SLC25A48: variants seen among roughly 807,000 people sequenced by gnomAD.
SLC25A48 encodes solute carrier family 25 member 48.
A neutral mutation model predicts 32.2 loss-of-function variants in SLC25A48; 29 were observed. The ratio of observed to expected loss-of-function variants is 0.90; its 90% CI spans 0.67 to 1.23. The LOEUF (loss-of-function observed/expected upper bound fraction) is 1.23. Among genes scored for constraint, SLC25A48 ranks in the 50% most tolerant of loss-of-function variants. SLC25A48 has a pLI of 0.00. For missense variants in SLC25A48, 399 were observed against 422.7 expected, an observed-to-expected ratio of 0.94 and a Z score of 0.49; for synonymous variants, 164 against 172.3, an observed-to-expected ratio of 0.95 and a Z score of 0.38.
At chr5:135,595,353 C>G (rs989052012) in intron 1 of SLC25A48, among the ~76,000 whole-genome samples, 5 of 152,116 alleles carry the variant, frequency 3.3e-5, no homozygotes, top group Non-Finnish European at 7.4e-5. Context: ...CTCATGGGCT[C>G]TAGGAGGTCA....
intron 4 of SLC25A48, chr5:135,813,212 A>C (rs1435069794): frequency 6.6e-6 from 1 of 152,312 alleles, no homozygotes; most frequent in African/African-American, 2.4e-5. Context: ...AAGGTTCATA[A>C]CTCAAATGGG....
rs542413133 is a variant in SLC25A48, at chr5:135,752,292, C to T, written c.-520-60231C>T. Among the ~76,000 whole-genome samples the T allele has an allele frequency of 1.8e-4, 27 of 152,252 alleles. 1 individual carries two copies. The highest frequency in any genetic ancestry group is 6.0e-4 in the African/African-American group (25 of 41,562). ...ACATAATTGATAAAAGACTTCCAGC[C>T]GGGTGCAGTGGCTCACCCCTGTAAT... On this transcript the variant is annotated intron_variant, in intron 3 of 10. Transcript: ENST00000646290.
chr5:135,770,224 G>T (rs1159709521), intron 3 of SLC25A48, among the ~76,000 whole-genome samples: 1 of 151,488 alleles, frequency 6.6e-6, no homozygotes, highest in African/African-American at 2.4e-5. Flanking sequence ...CTGAGATACT[G>T]TTCCTAATAT....
At chr5:135,595,405 G>A (rs1214217444) in intron 1 of SLC25A48, among the ~76,000 whole-genome samples, 1 of 152,144 alleles carries the variant, frequency 6.6e-6, no homozygotes, top group Non-Finnish European at 1.5e-5. Context: ...GGTTATTGAT[G>A]GACAGGCACC....
chr5:135,693,862 G>A (rs779686727), intron 3 of SLC25A48, among the ~76,000 whole-genome samples: 8 of 152,258 alleles, frequency 5.3e-5, no homozygotes, highest in Admixed American at 4.6e-4. Flanking sequence ...GCGAAGGCGT[G>A]TGGGGCGATG....
At chr5:135,638,834 T>C (rs1752767844) in intron 3 of SLC25A48, among the ~76,000 whole-genome samples, 1 of 152,244 alleles carries the variant, frequency 6.6e-6, no homozygotes, top group Non-Finnish European at 1.5e-5. Flanking sequence ...GTTTCAACTC[T>C]ATATAAGCAC....
At chr5:135,818,025 G>A (rs1166803965) in intron 4 of SLC25A48, among the ~76,000 whole-genome samples, 2 of 145,228 alleles carry the variant, frequency 1.4e-5, no homozygotes, top group Non-Finnish European at 3.0e-5. Flanking sequence ...CCATGCAGGG[G>A]AGAGTTTCCC....
At chr5:135,669,498 G>A (rs78669769) in intron 3 of SLC25A48, among the ~76,000 whole-genome samples, 1 of 152,096 alleles carries the variant, frequency 6.6e-6, no homozygotes, top group South Asian at 2.1e-4. Flanking sequence ...ACCTCTGTGG[G>A]CAACGGGATG....
At chr5:135,862,019 G>C (rs1026963803) in intron 4 of SLC25A48, among the ~76,000 whole-genome samples, 1 of 152,234 alleles carries the variant, frequency 6.6e-6, no homozygotes, top group East Asian at 1.9e-4. Context: ...TGACAGTAAG[G>C]CACCTGTGAA....
At chr5:135,684,089 G>A (rs1753962396) in intron 3 of SLC25A48, among the ~76,000 whole-genome samples, 1 of 152,084 alleles carries the variant, frequency 6.6e-6, no homozygotes, top group African/African-American at 2.4e-5. Context: ...CTATTTAAAT[G>A]TATTTTTAAT....
At chr5:135,865,125 T>G (rs1761087208) in intron 4 of SLC25A48, among the ~76,000 whole-genome samples, 1 of 152,238 alleles carries the variant, frequency 6.6e-6, no homozygotes, top group Non-Finnish European at 1.5e-5. Flanking sequence ...CCACTTATTC[T>G]CTGCCTTTCA....
chr5:135,887,545 C>T (rs961806321), intron 7 of SLC25A48, among the ~76,000 whole-genome samples: 1 of 152,070 alleles, frequency 6.6e-6, no homozygotes, highest in Non-Finnish European at 1.5e-5. Flanking sequence ...CCTGCAGAAC[C>T]ACCACTTGGT....
rs1561765729 is a variant in SLC25A48 at position 135,629,607 on chromosome 5, T to C, written c.-709+231T>C. Among the ~76,000 whole-genome samples, 1 of 152,122 alleles carries C rather than the reference T, an allele frequency of 6.6e-6. No individual in the cohort carries two copies. The highest frequency in any genetic ancestry group is 1.5e-5 in the Non-Finnish European group (1 of 68,010). On this transcript the variant is annotated intron_variant, in intron 2 of 10. Transcript: ENST00000646290. The surrounding 1 kb of genome is among the most constrained non-coding windows in gnomAD (Gnocchi z 4.8). ...GGAAGGGAAAGAAGCCGATAAAAGA[T>C]GTGTTAGCCAGCAGGCTGACTCTGT...
intron 3 of SLC25A48, among the ~76,000 whole-genome samples, chr5:135,637,906 A>G (rs1752742771): frequency 6.6e-6 from 1 of 152,198 alleles, no homozygotes; most frequent in East Asian, 1.9e-4. Context: ...GCATCAGAAA[A>G]GCCCAAATCT....
intron 3 of SLC25A48, among the ~76,000 whole-genome samples, chr5:135,748,721 A>AAT (rs1755699082): frequency 8.7e-6 from 1 of 114,876 alleles, no homozygotes; most frequent in Non-Finnish European, 2.0e-5. Context: ...GAGACAGGTA[A>AAT]ATTTTTTTTT....
chr5:135,699,310 A>G (rs139714790), intron 3 of SLC25A48, among the ~76,000 whole-genome samples: 11 of 152,282 alleles, frequency 7.2e-5, no homozygotes, highest in African/African-American at 2.6e-4. Context: ...TGTGATGTGT[A>G]TACATTACGA....
chr5:135,582,424 C>G (rs983200222), intron 1 of SLC25A48, among the ~76,000 whole-genome samples: 3 of 152,030 alleles, frequency 2.0e-5, no homozygotes, highest in African/African-American at 7.3e-5. Context: ...GGAGACTCAT[C>G]AGGGGATCTG....
chr5:135,723,528 C>CT (rs375388529), intron 3 of SLC25A48, among the ~76,000 whole-genome samples: 86 of 119,826 alleles, frequency 7.2e-4, no homozygotes, highest in African/African-American at 2.1e-3. Flanking sequence ...CTGCAGTCCT[C>CT]TTTTTTTTTT....
intron 3 of SLC25A48, among the ~76,000 whole-genome samples, chr5:135,692,900 G>T (rs1291442843): frequency 6.6e-6 from 1 of 152,174 alleles, no homozygotes; most frequent in African/African-American, 2.4e-5. Context: ...TGAAGACTGA[G>T]ATTTGGATTA....
Sources: gnomAD v4.1 joint callset for allele counts (sites outside exome capture counted in the v4.1 genomes callset) on GRCh38, gnomAD v4.1.1 for gene constraint, Gnocchi (gnomAD v3.1) non-coding constraint, MANE v1.5 for transcripts, NCBI Gene and HGNC (gene_info 2026-07-23, HGNC 2026-07-21) for gene names.